Variants in COA5 observed in about 807,000 individuals in gnomAD.
The protein encoded by COA5 is protein C2orf64.
Under a neutral mutation model 11.8 loss-of-function variants are expected in COA5, and 11 were observed. The observed-to-expected ratio is 0.93, with a 90% CI of 0.59 to 1.54. COA5 has a LOEUF of 1.54. Among genes scored for constraint, COA5 ranks in the 40% most tolerant of loss-of-function variants. The pLI is 0.00. For synonymous variants in COA5, 38 were observed against 37.5 expected (o/e 1.01, Z -0.05); for missense variants, 87 against 89.2 (o/e 0.97, Z 0.10).
chr2:98,600,410 A>G lies in COA5; in HGVS notation c.*342T>C. On this transcript the variant is annotated 3_prime_UTR_variant, in exon 3 of 3. Transcript: ENST00000328709. ...TGTTATCGACTGTGTCAGTCAAATCAGTGGCCTGTACTAATTGGGTAATTC... is the reference window on the plus strand; with the variant it reads ...TGTTATCGACTGTGTCAGTCAAATCGGTGGCCTGTACTAATTGGGTAATTC... 3.2e-6 allele frequency: 1 copy of G among 314,192 alleles called. No individual in the cohort carries two copies. Among genetic ancestry groups the G allele is most frequent in the Non-Finnish European group, 6.1e-6 (1 of 165,080 alleles). The allele number at this position is 314,192 out of a possible 1,614,324, so 19.5% of individuals were successfully genotyped here. A position where few individuals can be genotyped will look rare whatever the true frequency, so the allele number is the denominator to read the frequency against.
At chr2:98,608,205 T>C in intron 1 of COA5, 102 bp downstream of exon 1, 4 of 819,216 alleles carry the variant, frequency 4.9e-6, no homozygotes, top group Non-Finnish European at 6.1e-6. Flanking sequence ...ACGCCCGGGA[T>C]GGTTAACTCC....
intron 2 of COA5, among the ~76,000 whole-genome samples, chr2:98,603,862 C>T (rs578067002): frequency 6.0e-4 from 91 of 152,340 alleles, no homozygotes; most frequent in African/African-American, 2.2e-3. Context: ...ACTTCATTCT[C>T]ACACTTTCAG....
intron 2 of COA5, among the ~76,000 whole-genome samples, chr2:98,603,836 G>A (rs1046687857): frequency 7.9e-5 from 12 of 152,092 alleles, no homozygotes; most frequent in East Asian, 3.8e-4. Context: ...ACTTTTACCC[G>A]TATATACCTG....
intron 2 of COA5, among the ~76,000 whole-genome samples, chr2:98,603,100 A>G (rs2106592953): frequency 6.6e-6 from 1 of 152,304 alleles, no homozygotes; most frequent in East Asian, 1.9e-4. Context: ...GTTTACAACC[A>G]CTTGCAGGTC....
At chr2:98,603,735 C>T (rs1700674819) in intron 2 of COA5, among the ~76,000 whole-genome samples, 1 of 152,178 alleles carries the variant, frequency 6.6e-6, no homozygotes, top group Non-Finnish European at 1.5e-5. Context: ...TTCTCTTAGT[C>T]ACATAAGGCA....
Position 98,601,223 on chromosome 2 carries a change from CAATAAATAAATA to C in COA5, c.184-442_184-431del, listed in dbSNP as rs758730261. ...TCGCACCACTGCACTCCAGCCTGGG[CAATAAATAAATA>C]AATAAATAAATAAATAAATAAGAAA... On this transcript the variant is annotated intron_variant, in intron 2 of 2. Transcript: ENST00000328709. Among the ~76,000 whole-genome samples, 24 of 149,702 alleles carry C rather than the reference CAATAAATAAATA, an allele frequency of 1.6e-4. No individual in the cohort carries two copies. The South Asian group carries it at 3.4e-3, about 21-fold the overall frequency.
At chr2:98,604,239 C>A (rs1206310288) in intron 1 of COA5, 48 bp from the exon 2 acceptor site, 1 of 1,373,644 alleles carries the variant, frequency 7.3e-7, no homozygotes, top group Non-Finnish European at 1.0e-6. Flanking sequence ...AATTTTCTCA[C>A]AAAGTACAAA....
intron 2 of COA5, among the ~76,000 whole-genome samples, chr2:98,602,083 A>AG (rs1301685394): frequency 6.6e-6 from 1 of 152,218 alleles, no homozygotes; most frequent in Non-Finnish European, 1.5e-5. Flanking sequence ...CACTAGGTAA[A>AG]GTAGCTAAAG....
Position 98,608,302 on chromosome 2 carries a change from G to T in COA5, c.99+5C>A, listed in dbSNP as rs747126563. 1.3e-6 allele frequency: 2 copies of T among 1,591,548 alleles called. No homozygotes were observed. Among genetic ancestry groups the T allele is most frequent in the Non-Finnish European group, 8.5e-7 (1 of 1,169,900 alleles). The stretch of plus-strand genomic sequence containing the variant: ...GTCACCACCGGGAGCGCCCGGCCGC[G>T]CTACCTGGACCACACAGTCCGACTG... On this transcript the variant is annotated splice_donor_5th_base_variant and intron_variant, in intron 1 of 2. Transcript: ENST00000328709.
intron 2 of COA5, chr2:98,602,648 C>CAA (rs760690501): frequency 4.6e-4 from 33 of 71,654 alleles, no homozygotes; most frequent in African/African-American, 1.0e-3. Flanking sequence ...GACTCCATCT[C>CAA]AAAAAAAAAA....
Position 98,604,119 on chromosome 2 carries a change from T to C in COA5, c.172A>G (p.Lys58Glu). The C allele has an allele frequency of 6.2e-7, 1 of 1,613,548 alleles. No individual in the cohort carries two copies. Among genetic ancestry groups the C allele is most frequent in the Middle Eastern group, 1.7e-4 (1 of 6,048 alleles). The change falls in exon 2 of 3, where the codon AAA becomes GAA. Residue 58 changes from lysine to glutamate, a missense_variant. Physicochemically the swap from Lys to Glu is moderately conservative, Grantham distance 56. Transcript: ENST00000328709. Reference protein sequence around the residue: ...NSLKYAFFECKRSVLDNRARF... With the variant: ...NSLKYAFFECERSVLDNRARF... ...CTTTAACCACTTACCACTGATCTTT[T>C]ACACTCAAAAAATGCGTACTTCAAA...
intron 2 of COA5, 41 bp downstream of exon 2, chr2:98,604,067 T>G: frequency 1.3e-6 from 2 of 1,481,582 alleles, no homozygotes. Context: ...TCCCTATAGC[T>G]AATTTTTAGC....
chr2:98,608,266 G>T, intron 1 of COA5, 41 bp downstream of exon 1: 1 of 1,469,712 alleles, frequency 6.8e-7, no homozygotes, highest in Non-Finnish European at 9.3e-7. Context: ...GGCCTGCCTG[G>T]GACAGGGGTC....
intron 1 of COA5, among the ~76,000 whole-genome samples, chr2:98,607,214 C>T (rs1234326865): frequency 6.6e-6 from 1 of 152,200 alleles, no homozygotes; most frequent in Non-Finnish European, 1.5e-5. Flanking sequence ...TCTTCGTTAT[C>T]ACCAGTGTCA....
chr2:98,600,695 G>A lies in COA5; in HGVS notation c.*57C>T, dbSNP rs977945783. The A allele has an allele frequency of 2.0e-6, 3 of 1,504,680 alleles. No individual in the cohort carries two copies. The highest frequency in any genetic ancestry group is 2.8e-6 in the Non-Finnish European group (3 of 1,089,204). The allele number at this position is 1,504,680 out of a possible 1,614,324, so 93.2% of individuals were successfully genotyped here. ...GTATGTTTCCTGTTTTGGCTTCTTT[G>A]TGTTAATGACCAGGGAAAATATTTG... On this transcript the variant is annotated 3_prime_UTR_variant, in exon 3 of 3. Transcript: ENST00000328709.
rs114068089 is a variant in COA5 at position 98,605,422 on chromosome 2, C to T, written c.100-1231G>A. Among the ~76,000 whole-genome samples, 589 of 152,310 alleles carry T rather than the reference C, an allele frequency of 3.9e-3. 4 individuals are homozygous for T. The highest frequency in any genetic ancestry group is 0.013 in the African/African-American group (551 of 41,562). ...CCATGAATATGAGAGTAACACCCTA[C>T]TTGCTATATTTTCCTATTTTCACAG... On this transcript the variant is annotated intron_variant, in intron 1 of 2. Coordinates refer to ENST00000328709, the MANE Select transcript of COA5 (RefSeq NM_001008215.3).
At chr2:98,606,437 C>A (rs1367720881) in intron 1 of COA5, among the ~76,000 whole-genome samples, 4 of 152,216 alleles carry the variant, frequency 2.6e-5, no homozygotes, top group Non-Finnish European at 5.9e-5. Context: ...CGTTTTCTGG[C>A]TGACCAAACT....
At position 98,600,370 on chromosome 2, in the gene COA5, T is replaced by G. The variant is rs923848458; in HGVS notation, c.*382A>C. 5 of 229,420 alleles carry G rather than the reference T, an allele frequency of 2.2e-5. No homozygotes were observed. Among genetic ancestry groups the G allele is most frequent in the Non-Finnish European group, 4.4e-5 (5 of 114,746 alleles). The allele number at this position is 229,420 out of a possible 1,614,324, so 14.2% of individuals were successfully genotyped here. The stretch of plus-strand genomic sequence containing the variant: ...TCCTAAACTTTCCCAACAGACACCT[T>G]CTGGATAGGCTGCATGTTATCGACT... On this transcript the variant is annotated 3_prime_UTR_variant, in exon 3 of 3. Coordinates refer to ENST00000328709, the MANE Select transcript of COA5 (RefSeq NM_001008215.3).
intron 2 of COA5, among the ~76,000 whole-genome samples, chr2:98,601,509 C>T (rs1312237452): frequency 1.3e-5 from 2 of 152,166 alleles, no homozygotes; most frequent in Non-Finnish European, 2.9e-5. Context: ...ACTGGCAGCA[C>T]GTTCTTTGAC....
Sources: allele counts gnomAD v4.1 joint callset (sites outside exome capture counted in the v4.1 genomes callset), GRCh38; gene constraint gnomAD v4.1.1; transcripts MANE v1.5; gene names NCBI Gene and HGNC (gene_info 2026-07-23, HGNC 2026-07-21).